Variants in STARD13 observed in about 807,000 individuals in gnomAD.
The protein encoded by STARD13 is stAR-related lipid transfer protein 13.
Under a neutral mutation model 106.4 loss-of-function variants are expected in STARD13, and 62 were observed. The ratio of observed to expected loss-of-function variants is 0.58; its 90% CI spans 0.48 to 0.72. The LOEUF (loss-of-function observed/expected upper bound fraction) is 0.72. Ranked by LOEUF, STARD13 falls within the 30% of genes least tolerant of loss-of-function variation. STARD13 has a pLI of 0.00. For synonymous variants in STARD13, 565 were observed against 553.0 expected (o/e 1.02, Z -0.31); for missense variants, 1,387 against 1,424.0 (o/e 0.97, Z 0.42).
chr13:33,430,763 CAGT>C, the STARD13 span, among the ~76,000 whole-genome samples: 27 of 152,104 alleles, frequency 1.8e-4, no homozygotes, highest in Admixed American at 1.8e-3. Context: ...CTGTCATTTG[CAGT>C]AACATAGATG....
At chr13:33,413,686 T>C in the STARD13 span, among the ~76,000 whole-genome samples, 3 of 151,212 alleles carry the variant, frequency 2.0e-5, no homozygotes, top group African/African-American at 7.3e-5. Context: ...AATTAGAAAA[T>C]AGGCAAAAGA....
chr13:33,511,423 A>T, the STARD13 span: 1 of 152,156 alleles, frequency 6.6e-6, no homozygotes, highest in Non-Finnish European at 1.5e-5. Flanking sequence ...GGGAAAACAA[A>T]AAAATCACTG....
chr13:33,664,383 G>A, the STARD13 span, among the ~76,000 whole-genome samples: 2 of 152,172 alleles, frequency 1.3e-5, no homozygotes, highest in Non-Finnish European at 2.9e-5. Flanking sequence ...CAGGGGTTCC[G>A]CATCAATAGT....
chr13:33,186,873 T>A (rs191103738), intron 1 of STARD13, among the ~76,000 whole-genome samples: 115 of 152,274 alleles, frequency 7.6e-4, no homozygotes, highest in African/African-American at 2.6e-3. Context: ...CCAAACTACC[T>A]GTTAAATCTG....
At chr13:33,190,745 C>G (rs577895791) in intron 1 of STARD13, among the ~76,000 whole-genome samples, 1 of 152,172 alleles carries the variant, frequency 6.6e-6, no homozygotes, top group African/African-American at 2.4e-5. Flanking sequence ...TACCACCACG[C>G]CTGGCTAATT....
At chr13:33,242,758 A>G (rs1353340348) in intron 1 of STARD13, among the ~76,000 whole-genome samples, 4 of 152,298 alleles carry the variant, frequency 2.6e-5, no homozygotes, top group Admixed American at 1.3e-4. Context: ...AATACTAAAA[A>G]AAAAATAAAA....
At chr13:33,215,122 G>C (rs535372596) in intron 1 of STARD13, among the ~76,000 whole-genome samples, 49 of 126,028 alleles carry the variant, frequency 3.9e-4, no homozygotes, top group Middle Eastern at 3.9e-3. Flanking sequence ...GAGTACTTGG[G>C]GGGGGGGGTG....
intron 3 of STARD13, among the ~76,000 whole-genome samples, chr13:33,159,647 G>A (rs1252942528): frequency 6.6e-6 from 1 of 152,186 alleles, no homozygotes; most frequent in African/African-American, 2.4e-5. Flanking sequence ...TAGAACTCAT[G>A]AGTGAGTTTT....
At chr13:33,297,581 C>T (rs1402077311) in intron 1 of STARD13, among the ~76,000 whole-genome samples, 1 of 148,840 alleles carries the variant, frequency 6.7e-6, no homozygotes, top group Non-Finnish European at 1.5e-5. Context: ...GTGGTATAGA[C>T]TATGATTATA....
chr13:33,499,607 CTTCTT>C, the STARD13 span, among the ~76,000 whole-genome samples: 146 of 59,748 alleles, frequency 2.4e-3, 9 homozygotes, highest in Non-Finnish European at 2.6e-3. Context: ...CTTCTTCTTT[CTTCTT>C]CTTCTTCTTC....
At chr13:33,646,083 AT>A in the STARD13 span, among the ~76,000 whole-genome samples, 1 of 152,208 alleles carries the variant, frequency 6.6e-6, no homozygotes, top group African/African-American at 2.4e-5. Context: ...AAATCAGTTA[AT>A]CTGGTTAAGT....
chr13:33,120,929 C>A (rs184064056), intron 7 of STARD13, among the ~76,000 whole-genome samples: 4 of 152,150 alleles, frequency 2.6e-5, no homozygotes, highest in Non-Finnish European at 5.9e-5. Flanking sequence ...TTAGTAGAGA[C>A]AGGATTTCGC....
intron 3 of STARD13, among the ~76,000 whole-genome samples, chr13:33,150,342 A>G (rs1239727932): frequency 6.6e-6 from 1 of 152,194 alleles, no homozygotes; most frequent in Non-Finnish European, 1.5e-5. Context: ...CCATTCAGAT[A>G]ATGTTTGCTA....
intron 1 of STARD13, chr13:33,272,905 A>G (rs1891231065): frequency 6.6e-6 from 1 of 152,202 alleles, no homozygotes; most frequent in Non-Finnish European, 1.5e-5. Flanking sequence ...GTGAGGAAGT[A>G]ATTTTACTCT....
rs561921643 is a variant in STARD13, at chr13:33,313,609, C to T, written c.124+36681G>A. Reference sequence around the variant, plus strand: ...TCCACCTTTCTCTAATTTGTTGGCTCCCACAGAACCCCAAGCTGATGTTTT... The same window carrying T: ...TCCACCTTTCTCTAATTTGTTGGCTTCCACAGAACCCCAAGCTGATGTTTT... On this transcript the variant is annotated intron_variant, in intron 1 of 5. Coordinates refer to the STARD13 transcript ENST00000567873. Among the ~76,000 whole-genome samples the T allele has an allele frequency of 5.9e-5, 9 of 152,290 alleles. No homozygotes were observed. In the South Asian group the frequency reaches 1.9e-3, roughly 32 times the overall value.
At chr13:33,338,884 CAA>C (rs748411311) in intron 1 of STARD13, among the ~76,000 whole-genome samples, 84 of 120,236 alleles carry the variant, frequency 7.0e-4, no homozygotes, top group African/African-American at 2.6e-3. Flanking sequence ...GACTCCGTCT[CAA>C]AAAAAAAAAA....
At chr13:33,407,872 C>T in the STARD13 span, among the ~76,000 whole-genome samples, 9 of 152,284 alleles carry the variant, frequency 5.9e-5, no homozygotes, top group African/African-American at 2.2e-4. Flanking sequence ...AGTCAATGCC[C>T]CTTCATGTTA....
intron 3 of STARD13, 75 bp downstream of exon 3, chr13:33,165,262 G>T: frequency 1.8e-6 from 2 of 1,122,762 alleles, no homozygotes; most frequent in Non-Finnish European, 2.7e-6. Flanking sequence ...GAATAGCTGA[G>T]CTCGCCCTTC....
chr13:33,403,349 G>A, the STARD13 span, among the ~76,000 whole-genome samples: 1 of 152,214 alleles, frequency 6.6e-6, no homozygotes, highest in Admixed American at 6.5e-5. Flanking sequence ...GTTTGTTTGT[G>A]TTTACACTTA....
Sources: allele counts gnomAD v4.1 joint callset (sites outside exome capture counted in the v4.1 genomes callset), GRCh38; gene constraint gnomAD v4.1.1; transcripts MANE v1.5; gene names NCBI Gene and HGNC (gene_info 2026-07-23, HGNC 2026-07-21).